PEAK1: variants seen among roughly 807,000 people sequenced by gnomAD.
PEAK1 encodes pseudopodium enriched atypical kinase 1.
A neutral mutation model predicts 124.7 loss-of-function variants in PEAK1; 54 were observed. The observed-to-expected ratio is 0.43, with a 90% CI of 0.35 to 0.54. The LOEUF (loss-of-function observed/expected upper bound fraction) is 0.54. PEAK1 is among the 20% of genes least tolerant of loss of function. PEAK1 has a pLI of 0.01. For missense variants in PEAK1, 2,046 were observed against 2,134.5 expected, an observed-to-expected ratio of 0.96 and a Z score of 0.82; for synonymous variants, 719 against 760.0, an observed-to-expected ratio of 0.95 and a Z score of 0.89.
In PEAK1 at chr15:77,180,084, T is replaced by C. The variant is rs536431798; in HGVS notation, c.1843A>G (p.Thr615Ala). 2.5e-6 allele frequency: 4 copies of C among 1,614,110 alleles called. No homozygotes were observed. Among genetic ancestry groups the C allele is most frequent in the Non-Finnish European group, 2.5e-6 (3 of 1,179,948 alleles). The change falls in exon 7 of 10, where the codon ACT becomes GCT. Residue 615 changes from threonine (T) to alanine (A), a missense_variant. Thr to Ala is a moderately conservative substitution (Grantham distance 58, BLOSUM62 0). Coordinates refer to ENST00000682557, the MANE Select transcript of PEAK1 (RefSeq NM_001385026.1). ...PFPIIIHDEP[T>A]YARSSKNAIK... ...GCATTTTTGGAACTCCGAGCATAAG[T>C]TGGCTCGTCATGAATGATAATTGGA...
chr15:77,254,172 T>G (rs750208873), intron 5 of PEAK1, among the ~76,000 whole-genome samples: 1 of 152,146 alleles, frequency 6.6e-6, no homozygotes, highest in Non-Finnish European at 1.5e-5. Context: ...TGATTTTCTT[T>G]GCATTTATTC....
chr15:77,419,067 G>C lies in PEAK1; in HGVS notation c.-666+939C>G, dbSNP rs75092578. On this transcript the variant is annotated intron_variant, in intron 1 of 9. Transcript: ENST00000682557. ...CAAGGCCAATAAAGATGAAATCATAGTTTTCCTCTAACTCATCACTACCCC... is the reference window on the plus strand; with the variant it reads ...CAAGGCCAATAAAGATGAAATCATACTTTTCCTCTAACTCATCACTACCCC... The C allele has an allele frequency of 1.5e-4, 144 of 985,366 alleles. No homozygotes were observed. In the African/African-American group the frequency reaches 2.4e-3, roughly 17 times the overall value. 61.0% of individuals were successfully genotyped at this position (985,366 alleles called of 1,614,324 possible).
chr15:77,297,477 G>GTAC (rs2063543354), intron 2 of PEAK1, among the ~76,000 whole-genome samples: 1 of 151,670 alleles, frequency 6.6e-6, no homozygotes. Context: ...CTCATCAATA[G>GTAC]TACTGGTCAA....
At chr15:77,395,333 A>G (rs2070791484) in intron 1 of PEAK1, among the ~76,000 whole-genome samples, 1 of 152,176 alleles carries the variant, frequency 6.6e-6, no homozygotes, top group South Asian at 2.1e-4. Flanking sequence ...ACCAAATCCA[A>G]GAGTTATTGC....
intron 2 of PEAK1, among the ~76,000 whole-genome samples, chr15:77,287,017 C>A (rs1169980858): frequency 6.6e-6 from 1 of 152,112 alleles, no homozygotes; most frequent in Non-Finnish European, 1.5e-5. Context: ...AGTCATGAAA[C>A]CCAGTCATGT....
At chr15:77,355,181 A>C (rs1389206523) in intron 2 of PEAK1, among the ~76,000 whole-genome samples, 2 of 152,172 alleles carry the variant, frequency 1.3e-5, no homozygotes, top group Non-Finnish European at 2.9e-5. Flanking sequence ...TTTATAACGG[A>C]AAGTAGCATG....
intron 6 of PEAK1, among the ~76,000 whole-genome samples, chr15:77,231,273 G>C (rs931144186): frequency 6.6e-6 from 1 of 152,028 alleles, no homozygotes; most frequent in African/African-American, 2.4e-5. Flanking sequence ...AGTATAATAG[G>C]CTCCACTAAT....
chr15:77,171,666 G>A (rs543319641), intron 7 of PEAK1, among the ~76,000 whole-genome samples: 1 of 152,098 alleles, frequency 6.6e-6, no homozygotes, highest in Non-Finnish European at 1.5e-5. Flanking sequence ...GTTTCAGATA[G>A]CTAGAAGGAG....
intron 2 of PEAK1, among the ~76,000 whole-genome samples, chr15:77,356,205 C>T (rs1373656442): frequency 1.3e-5 from 2 of 152,088 alleles, no homozygotes; most frequent in African/African-American, 2.4e-5. Context: ...TGAGTATATG[C>T]ATTCATCAAA....
chr15:77,138,757 G>A (rs1353195310), intron 8 of PEAK1, among the ~76,000 whole-genome samples: 2 of 151,792 alleles, frequency 1.3e-5, no homozygotes, highest in African/African-American at 4.8e-5. Flanking sequence ...AGCTACTCAG[G>A]AGGCTGACGT....
chr15:77,181,259 C>T lies in PEAK1; in HGVS notation c.668G>A (p.Gly223Asp). The T allele has an allele frequency of 6.2e-7, 1 of 1,613,874 alleles. No homozygotes were observed. Among genetic ancestry groups the T allele is most frequent in the Non-Finnish European group, 8.5e-7 (1 of 1,180,014 alleles). The change falls in exon 7 of 10, where the codon GGC (glycine) becomes GAC (aspartate). Residue 223 changes from glycine to aspartate, a missense_variant. Physicochemically the swap from Gly to Asp is moderately conservative, Grantham distance 94. Coordinates refer to ENST00000682557, the MANE Select transcript of PEAK1 (RefSeq NM_001385026.1). ...GSTEVISNEG[G>D]RFCYPEFSSG... ...GGAAAACTCTGGGTAACAGAACCGG[C>T]CCCCTTCATTACTAATCACTTCTGT... is the stretch of plus-strand genomic sequence containing the variant.
intron 9 of PEAK1, among the ~76,000 whole-genome samples, chr15:77,124,776 A>G (rs543550813): frequency 1.2e-4 from 18 of 152,350 alleles, no homozygotes; most frequent in South Asian, 6.2e-4. Flanking sequence ...TCTTAAGCTC[A>G]TCACTCAAAT....
intron 6 of PEAK1, among the ~76,000 whole-genome samples, chr15:77,247,571 C>T (rs2060655474): frequency 7.9e-6 from 1 of 127,086 alleles, no homozygotes; most frequent in Non-Finnish European, 1.6e-5. Flanking sequence ...CTCCTGGGTT[C>T]GAGAGATTCT....
chr15:77,407,914 C>CACATATAT (rs780847598), intron 1 of PEAK1, among the ~76,000 whole-genome samples: 32,769 of 127,926 alleles, frequency 0.26, 4,049 homozygotes, highest in Middle Eastern at 0.38. Context: ...CATATATATA[C>CACATATAT]ACATATATAC....
chr15:77,304,301 T>C (rs2063949927), intron 2 of PEAK1, among the ~76,000 whole-genome samples: 1 of 152,202 alleles, frequency 6.6e-6, no homozygotes, highest in Non-Finnish European at 1.5e-5. Context: ...ATTATTTCAA[T>C]CCATGAACAC....
intron 2 of PEAK1, among the ~76,000 whole-genome samples, chr15:77,328,608 G>A (rs941084276): frequency 6.6e-6 from 1 of 152,150 alleles, no homozygotes; most frequent in African/African-American, 2.4e-5. Flanking sequence ...AATGTAGTCT[G>A]ATTGGTGAGG....
chr15:77,374,560 T>C (rs143243624), intron 1 of PEAK1, among the ~76,000 whole-genome samples: 11 of 152,256 alleles, frequency 7.2e-5, no homozygotes, highest in African/African-American at 2.2e-4. Flanking sequence ...AGGATGAACA[T>C]GTAGCTTCAA....
intron 1 of PEAK1, among the ~76,000 whole-genome samples, chr15:77,375,327 C>T (rs1279931417): frequency 2.0e-5 from 3 of 152,074 alleles, no homozygotes; most frequent in Non-Finnish European, 4.4e-5. Context: ...AAGATTCAAA[C>T]TCATAGTTGA....
chr15:77,237,094 A>G (rs1055300527), intron 6 of PEAK1, among the ~76,000 whole-genome samples: 6 of 152,334 alleles, frequency 3.9e-5, no homozygotes, highest in Non-Finnish European at 7.4e-5. Flanking sequence ...TTATACTATG[A>G]ATGCAGTTTT....
Sources: allele counts gnomAD v4.1 joint callset (sites outside exome capture counted in the v4.1 genomes callset), GRCh38; gene constraint gnomAD v4.1.1; transcripts MANE v1.5; gene names NCBI Gene and HGNC (gene_info 2026-07-23, HGNC 2026-07-21).